TBC1D9B: variants seen among roughly 807,000 people sequenced by gnomAD.
TBC1D9B encodes TBC1 domain family, member 9B (with GRAM domain).
Under a neutral mutation model 121.1 loss-of-function variants are expected in TBC1D9B, and 87 were observed. The ratio of observed to expected loss-of-function variants is 0.72; its 90% CI spans 0.60 to 0.86. The LOEUF (loss-of-function observed/expected upper bound fraction) is 0.86. Ranked by LOEUF, TBC1D9B falls within the 40% of genes least tolerant of loss-of-function variation. The pLI, the probability that TBC1D9B is intolerant of heterozygous loss-of-function variation, is 0.00. For synonymous variants in TBC1D9B, 668 were observed against 670.1 expected, an observed-to-expected ratio of 1.00 and a Z score of 0.05; for missense variants, 1,540 against 1,628.6, an observed-to-expected ratio of 0.95 and a Z score of 0.94.
chr5:179,894,412 A>G lies in TBC1D9B; in HGVS notation c.551T>C (p.Phe184Ser). 1 of 1,613,782 alleles carries G rather than the reference A, an allele frequency of 6.2e-7. No individual in the cohort carries two copies. Among genetic ancestry groups the G allele is most frequent in the Non-Finnish European group, 8.5e-7 (1 of 1,179,830 alleles). The change falls in exon 4 of 21, where the codon TTC becomes TCC. Residue 184 changes from phenylalanine (F) to serine (S), a missense_variant. Transcript: ENST00000355235. ...TTCCTTCCCCAGCAGGAAGGAGTAG[A>G]AGCACAGGTGGTTGACCGTCAGGTA... ...WLYLTVNHLC[F>S]YSFLLGKEVS... is the part of the protein sequence containing the mutation.
intron 1 of TBC1D9B, among the ~76,000 whole-genome samples, chr5:179,906,074 T>A (rs1761303843): frequency 6.6e-6 from 1 of 152,200 alleles, no homozygotes; most frequent in African/African-American, 2.4e-5. Context: ...GAGACGGGGT[T>A]TTGCCATGTT....
chr5:179,871,550 G>A lies in TBC1D9B; in HGVS notation c.2416-20C>T, dbSNP rs417506. The A allele has an allele frequency of 6.2e-7, 1 of 1,610,580 alleles. No homozygotes were observed. The highest frequency in any genetic ancestry group is 1.1e-5 in the South Asian group (1 of 90,500). The stretch of plus-strand genomic sequence containing the variant: ...TCGGACCTAGAAGGAAGGAGAAACA[G>A]GGTATATAGCTGGATCACAAGCTCC... On this transcript the variant is annotated intron_variant, in intron 14 of 20. Coordinates refer to ENST00000355235, the MANE Select transcript of TBC1D9B (RefSeq NM_015043.4).
intron 12 of TBC1D9B, among the ~76,000 whole-genome samples, chr5:179,873,891 G>A (rs540724345): frequency 6.6e-5 from 10 of 152,094 alleles, no homozygotes; most frequent in African/African-American, 1.2e-4. Context: ...GGCCCTATCC[G>A]CCTATTGTAG....
In TBC1D9B at chr5:179,872,893, A is replaced by T; in HGVS notation, c.2414T>A (p.Val805Glu). The T allele has an allele frequency of 6.6e-7, 1 of 1,506,036 alleles. No homozygotes were observed. The allele number at this position is 1,506,036 out of a possible 1,614,324, so 93.3% of individuals were successfully genotyped here. A position where few individuals can be genotyped will look rare whatever the true frequency, so the allele number is the denominator to read the frequency against. ...GCCCAGCCCTGCTGGCACCCATACC[A>T]CACTCCTCTTGGCCGTGTCCTCCAA... ...QSLEDTAKRS[V>E]VRAIPVDIGF... The change falls in exon 14 of 21, where the codon GTG becomes GAG. Residue 805 changes from valine (V) to glutamate (E), a missense_variant and splice_region_variant. Val to Glu is a moderately radical substitution (Grantham distance 121, BLOSUM62 -2). Transcript: ENST00000355235.
At position 179,904,889 on chromosome 5, in the gene TBC1D9B, G is replaced by A; in HGVS notation, c.119-77C>T. 3 of 1,179,552 alleles carry A rather than the reference G, an allele frequency of 2.5e-6. No individual in the cohort carries two copies. Among genetic ancestry groups the A allele is most frequent in the Non-Finnish European group, 3.6e-6 (3 of 839,878 alleles). The allele number at this position is 1,179,552 out of a possible 1,614,324, so 73.1% of individuals were successfully genotyped here. On this transcript the variant is annotated intron_variant, in intron 1 of 20. Transcript: ENST00000355235. This position sits in a 1 kb window ranked among gnomAD's most constrained non-coding sequence, Gnocchi z 4.2. ...CCCCTGAAGGCTGAGTCTGGCCGGA[G>A]GCAGACAGGATGGTGACGCTACCCA...
chr5:179,869,214 T>C, intron 17 of TBC1D9B: 1 of 224,448 alleles, frequency 4.5e-6, no homozygotes, highest in Non-Finnish European at 9.1e-6. Flanking sequence ...CCTGCGCCTT[T>C]GTTTCCTTCT....
rs1561629696 is a variant in TBC1D9B, at chr5:179,863,315, C to T, written c.*133G>A. 9.2e-7 allele frequency: 1 copy of T among 1,085,182 alleles called. No individual in the cohort carries two copies. The highest frequency in any genetic ancestry group is 3.1e-4 in the Middle Eastern group (1 of 3,230). The allele number at this position is 1,085,182 out of a possible 1,614,324, so 67.2% of individuals were successfully genotyped here. A position where few individuals can be genotyped will look rare whatever the true frequency, so the allele number is the denominator to read the frequency against. ...TGGGTCTGCACCAGCCTTCTTTCCA[C>T]TCACAACTCACTGCTCCTGGGAGAG... On this transcript the variant is annotated 3_prime_UTR_variant, in exon 21 of 21. Transcript: ENST00000355235. This position sits in a 1 kb window ranked among gnomAD's most constrained non-coding sequence, Gnocchi z 4.5.
At chr5:179,881,946 G>GTTTTTT (rs796278508) in intron 7 of TBC1D9B, among the ~76,000 whole-genome samples, 1 of 128,328 alleles carries the variant, frequency 7.8e-6, no homozygotes, top group African/African-American at 3.3e-5. Flanking sequence ...TATACCTTCC[G>GTTTTTT]TTTTTTTTTT....
At position 179,879,090 on chromosome 5, in the gene TBC1D9B, A is replaced by G; in HGVS notation, c.1524T>C (p.Gly508=). The change falls in exon 9 of 21, where the codon GGT becomes GGC. Residue 508 remains glycine (G), a synonymous_variant. Coordinates refer to ENST00000355235, the MANE Select transcript of TBC1D9B (RefSeq NM_015043.4). ...GCTCTCCCCGGAGGCTCTCAGGGAT[A>G]CCCTTCAGGACCAGTGCCCGCGTCT... The part of the protein sequence containing the change: ...TAKTRALVLK[G]IPESLRGELW... The G allele has an allele frequency of 6.2e-7, 1 of 1,606,264 alleles. No homozygotes were observed.
In TBC1D9B at chr5:179,864,102, C is replaced by A. The variant is rs201538926; in HGVS notation, c.3048G>T (p.Thr1016=). 18 of 1,609,304 alleles carry A rather than the reference C, an allele frequency of 1.1e-5. No homozygotes were observed. Among genetic ancestry groups the A allele is most frequent in the Non-Finnish European group, 1.4e-5 (17 of 1,177,168 alleles). ...NQEQFIELCK[T]LYNMFSEDPM... ...GGTCTTCACTGAACATGTTGTAAAG[C>A]GTCTTGCACAGCTCAATGAACTGCT... The change falls in exon 21 of 21, where the codon ACG becomes ACT. Residue 1016 remains threonine (T), a synonymous_variant. Coordinates refer to ENST00000355235, the MANE Select transcript of TBC1D9B (RefSeq NM_015043.4).
intron 2 of TBC1D9B, among the ~76,000 whole-genome samples, chr5:179,901,076 C>T (rs569242038): frequency 6.6e-6 from 1 of 152,280 alleles, no homozygotes; most frequent in South Asian, 2.1e-4. Context: ...CAGACCCTGA[C>T]CTAAGAAGCA....
intron 10 of TBC1D9B, 24 bp from the exon 11 acceptor site, chr5:179,876,061 G>A: frequency 6.2e-7 from 1 of 1,605,566 alleles, no homozygotes; most frequent in South Asian, 1.1e-5. Flanking sequence ...AGACAGCCGG[G>A]GAAGGCTTGC....
chr5:179,894,251 T>C (rs919499319), intron 4 of TBC1D9B, 135 bp downstream of exon 4: 2 of 839,916 alleles, frequency 2.4e-6, no homozygotes, highest in African/African-American at 1.7e-5. Flanking sequence ...GACAGTCCCA[T>C]CTTGGGCCGC....
rs373582042 is a variant in TBC1D9B, at chr5:179,871,435, G to A, written c.2484+27C>T. 1.8e-5 allele frequency: 29 copies of A among 1,609,432 alleles called. No homozygotes were observed. The East Asian group carries it at 6.5e-4, about 36-fold the overall frequency. On this transcript the variant is annotated intron_variant, in intron 15 of 20. Transcript: ENST00000355235. ...GCAGGAAGCTAGGAAGCTAGGAACG[G>A]GTCCTGCCCTGGCTCTGAGCTGTCA...
intron 3 of TBC1D9B, among the ~76,000 whole-genome samples, chr5:179,898,417 T>A (rs962174380): frequency 6.6e-6 from 1 of 151,826 alleles, no homozygotes; most frequent in African/African-American, 2.4e-5. Context: ...CCTCCCAAAG[T>A]GCTGGGATTA....
In TBC1D9B at chr5:179,885,621, C is replaced by T. The variant is rs1180524202; in HGVS notation, c.1254+2482G>A. The stretch of plus-strand genomic sequence containing the variant: ...AAAAAAAAAAGATGGAGGTATTTTA[C>T]GTTTTTCTTTTCATACGAAGTCTCC... On this transcript the variant is annotated intron_variant, in intron 7 of 20. Coordinates refer to ENST00000355235, the MANE Select transcript of TBC1D9B (RefSeq NM_015043.4). This position sits in a 1 kb window ranked among gnomAD's most constrained non-coding sequence, Gnocchi z 4.5. Among the ~76,000 whole-genome samples the T allele has an allele frequency of 6.6e-6, 1 of 151,822 alleles. No individual in the cohort carries two copies. Among genetic ancestry groups the T allele is most frequent in the Non-Finnish European group, 1.5e-5 (1 of 67,936 alleles).
intron 13 of TBC1D9B, 52 bp downstream of exon 13, chr5:179,873,067 C>T (rs1760250630): frequency 6.2e-7 from 1 of 1,612,810 alleles, no homozygotes; most frequent in Non-Finnish European, 8.5e-7. Flanking sequence ...GCCACCCCAA[C>T]CCACATGCCA....
intron 8 of TBC1D9B, 69 bp from the exon 9 acceptor site, chr5:179,879,266 C>G: frequency 6.5e-7 from 1 of 1,538,350 alleles, no homozygotes; most frequent in Non-Finnish European, 8.7e-7. Context: ...TAGGCCACCG[C>G]GGAAGCCTCG....
rs375952967 is a variant in TBC1D9B, at chr5:179,900,740, C to T, written c.230-1433G>A. On this transcript the variant is annotated intron_variant, in intron 2 of 20. Coordinates refer to ENST00000355235, the MANE Select transcript of TBC1D9B (RefSeq NM_015043.4). ...TCACGGCCAGCAGCACTATCACTCA[C>T]GCCTGAAAGAAGCTGCTCGCATGCA... 1.2e-4 allele frequency among the ~76,000 whole-genome samples: 19 copies of T among 152,348 alleles called. No homozygotes were observed. The South Asian group carries it at 1.9e-3, about 15-fold the overall frequency.
Sources: gnomAD v4.1 joint callset for allele counts (sites outside exome capture counted in the v4.1 genomes callset) on GRCh38, gnomAD v4.1.1 for gene constraint, Gnocchi (gnomAD v3.1) non-coding constraint, MANE v1.5 for transcripts, NCBI Gene and HGNC (gene_info 2026-07-23, HGNC 2026-07-21) for gene names.